The following SRGAP2 variants were observed in gnomAD, a reference collection of about 807,000 sequenced individuals.
SRGAP2 encodes the protein SLIT-ROBO Rho GTPase activating protein 2.
A neutral mutation model predicts 57.2 loss-of-function variants in SRGAP2; 15 were observed. The observed-to-expected ratio is 0.26, with a 90% confidence interval of 0.18 to 0.40. The LOEUF (loss-of-function observed/expected upper bound fraction) is 0.40. SRGAP2 is among the 10% of genes least tolerant of loss of function. The pLI, the probability that SRGAP2 is intolerant of heterozygous loss-of-function variation, is 1.00. For missense variants in SRGAP2, 520 were observed against 669.6 expected (o/e 0.78, Z 2.47); for synonymous variants, 249 against 248.0 (o/e 1.00, Z -0.04).
intron 17 of SRGAP2, among the ~76,000 whole-genome samples, chr1:206,440,603 A>G (rs547717187): frequency 3.3e-5 from 5 of 151,810 alleles, no homozygotes; most frequent in African/African-American, 4.8e-5. Context: ...GCTGGAGTAC[A>G]GTGGAGCGAT....
Position 206,454,882 on chromosome 1 carries a change from G to C in SRGAP2, c.2365G>C (p.Asp789His). 1.3e-6 allele frequency: 1 copy of C among 766,482 alleles called. No homozygotes were observed. Among genetic ancestry groups the C allele is most frequent in the Admixed American group, 1.7e-5 (1 of 57,910 alleles). 47.5% of individuals were successfully genotyped at this position (766,482 alleles called of 1,614,324 possible). A position where few individuals can be genotyped will look rare whatever the true frequency, so the allele number is the denominator to read the frequency against. The change falls in exon 21 of 23, where the codon GAC becomes CAC. Residue 789 changes from aspartate (D) to histidine (H), a missense_variant. Physicochemically the swap from Asp to His is moderately conservative, Grantham distance 81 (BLOSUM62 -1). Coordinates refer to ENST00000573034, the MANE Select transcript of SRGAP2 (RefSeq NM_015326.5). This position sits in a 1 kb window ranked among gnomAD's most constrained non-coding sequence, Gnocchi z 4.3. ...HQYIVVQDTE[D>H]GVVERSSPKS... is the part of the protein sequence containing the mutation. Reference sequence around the variant, plus strand: ...TGCCTGCCCCTTCTCCCCCAGCGAGGACGGTGTCGTGGAGAGGTCCAGCCC... The same window carrying C: ...TGCCTGCCCCTTCTCCCCCAGCGAGCACGGTGTCGTGGAGAGGTCCAGCCC...
At chr1:206,211,406 AC>A (rs1405688222) in intron 2 of SRGAP2, among the ~76,000 whole-genome samples, 1 of 32,758 alleles carries the variant, frequency 3.1e-5, no homozygotes, top group Non-Finnish European at 6.6e-5. Flanking sequence ...CTTACCTTAT[AC>A]CCTTGACCTC....
intron 13 of SRGAP2, among the ~76,000 whole-genome samples, chr1:206,427,940 A>G (rs906650095): frequency 6.6e-6 from 1 of 152,038 alleles, no homozygotes; most frequent in Non-Finnish European, 1.5e-5. Context: ...AAGACCCTCT[A>G]TGTAAAATAA....
At chr1:206,436,658 A>G (rs147588486) in intron 14 of SRGAP2, among the ~76,000 whole-genome samples, 36 of 152,312 alleles carry the variant, frequency 2.4e-4, no homozygotes, top group African/African-American at 7.9e-4. Flanking sequence ...AAAAGTACCA[A>G]TGGGTCACTT....
rs1661947250 is a variant in SRGAP2 at position 206,438,178 on chromosome 1, T to A, written c.1768+80T>A. The A allele has an allele frequency of 9.7e-6, 7 of 720,906 alleles. No individual in the cohort carries two copies. In the South Asian group the frequency reaches 1.0e-4, roughly 11 times the overall value. The allele number at this position is 720,906 out of a possible 1,614,324, so 44.7% of individuals were successfully genotyped here. ...AGAGAAAAAGTTTCCACAGGGTCTG[T>A]GTGTTCTCATAAGCTTTTCAATGAA... On this transcript the variant is annotated intron_variant, in intron 16 of 22. Transcript: ENST00000573034.
At chr1:206,362,225 TG>T (rs1676969553) in intron 4 of SRGAP2, among the ~76,000 whole-genome samples, 1 of 143,940 alleles carries the variant, frequency 6.9e-6, no homozygotes, top group African/African-American at 2.6e-5. Flanking sequence ...CCATCAGCCC[TG>T]GAGGAAAGCC....
intron 2 of SRGAP2, among the ~76,000 whole-genome samples, chr1:206,210,919 T>C (rs1666277591): frequency 6.6e-6 from 1 of 152,064 alleles, no homozygotes; most frequent in South Asian, 2.1e-4. Context: ...AAAGCTACTC[T>C]GCAGCAGTAA....
chr1:206,445,230 C>G (rs537882199), intron 17 of SRGAP2, among the ~76,000 whole-genome samples: 4 of 152,188 alleles, frequency 2.6e-5, no homozygotes, highest in African/African-American at 9.7e-5. Context: ...AATGCCTGGA[C>G]GGGCAAGGCC....
rs547788069 is a variant in SRGAP2, at chr1:206,461,713, A to C, written c.*293A>C. The C allele has an allele frequency of 5.8e-6, 2 of 344,746 alleles. No homozygotes were observed. Among genetic ancestry groups the C allele is most frequent in the South Asian group, 5.1e-5 (1 of 19,574 alleles). 21.4% of individuals were successfully genotyped at this position (344,746 alleles called of 1,614,324 possible). ...TTATCAGGTCACTGTGAAATCTGGTAAGGCAGTCCTGAGGACATGGGCTCA... is the reference window on the plus strand; with the variant it reads ...TTATCAGGTCACTGTGAAATCTGGTCAGGCAGTCCTGAGGACATGGGCTCA... On this transcript the variant is annotated 3_prime_UTR_variant, in exon 23 of 23. Coordinates refer to ENST00000573034, the MANE Select transcript of SRGAP2 (RefSeq NM_015326.5).
chr1:206,295,790 C>A (rs1553620177), intron 2 of SRGAP2, among the ~76,000 whole-genome samples: 1 of 152,212 alleles, frequency 6.6e-6, no homozygotes, highest in East Asian at 1.9e-4. Flanking sequence ...AGAACAGGGA[C>A]CTTCATACTT....
chr1:206,436,173 G>A (rs1661730549), intron 14 of SRGAP2, among the ~76,000 whole-genome samples: 3 of 152,028 alleles, frequency 2.0e-5, no homozygotes, highest in African/African-American at 7.2e-5. Context: ...GTGGTCCAGG[G>A]AAGCCAAAAG....
At chr1:206,426,614 C>G (rs1660820152) in intron 13 of SRGAP2, among the ~76,000 whole-genome samples, 1 of 152,196 alleles carries the variant, frequency 6.6e-6, no homozygotes, top group Non-Finnish European at 1.5e-5. Context: ...AAGCATTCCC[C>G]TTTCTCTGCA....
intron 14 of SRGAP2, among the ~76,000 whole-genome samples, chr1:206,431,629 A>G (rs1022024415): frequency 1.2e-4 from 19 of 152,272 alleles, no homozygotes; most frequent in Non-Finnish European, 2.4e-4. Flanking sequence ...TATCCCAACA[A>G]AAAGTTTCTG....
chr1:206,374,158 G>T (rs1367498490), intron 4 of SRGAP2, among the ~76,000 whole-genome samples: 2 of 150,040 alleles, frequency 1.3e-5, no homozygotes, highest in African/African-American at 4.9e-5. Flanking sequence ...CCGAATAGCT[G>T]GGACTACAGG....
chr1:206,215,682 G>A (rs1164768763), intron 2 of SRGAP2, among the ~76,000 whole-genome samples: 1 of 148,534 alleles, frequency 6.7e-6, no homozygotes, highest in East Asian at 2.0e-4. Flanking sequence ...CAGCTCAGAT[G>A]CCACCCCTCC....
At chr1:206,450,361 C>A in intron 18 of SRGAP2, 25 bp from the exon 19 acceptor site, 1 of 780,168 alleles carries the variant, frequency 1.3e-6, no homozygotes, top group South Asian at 1.3e-5. Flanking sequence ...TGTTAATGTC[C>A]CTGTCACTCT....
At chr1:206,414,741 T>C (rs78006781) in intron 10 of SRGAP2, among the ~76,000 whole-genome samples, 1,916 of 152,316 alleles carry the variant, frequency 0.013, 24 homozygotes, top group South Asian at 0.027. Context: ...AGCAATTTAT[T>C]TGATACCTCC....
chr1:206,259,501 T>G (rs1255176018), intron 2 of SRGAP2, among the ~76,000 whole-genome samples: 1 of 151,888 alleles, frequency 6.6e-6, no homozygotes, highest in Non-Finnish European at 1.5e-5. Context: ...CAAGCCCAGC[T>G]AATTTTTTTA....
chr1:206,240,048 G>A (rs1485995283), intron 2 of SRGAP2, among the ~76,000 whole-genome samples: 1 of 151,740 alleles, frequency 6.6e-6, no homozygotes, highest in Non-Finnish European at 1.5e-5. Flanking sequence ...GGCGGATCAC[G>A]AGATCAGGAG....
Sources: gnomAD v4.1 joint callset for allele counts (sites outside exome capture counted in the v4.1 genomes callset) on GRCh38, gnomAD v4.1.1 for gene constraint, Gnocchi (gnomAD v3.1) non-coding constraint, MANE v1.5 for transcripts, NCBI Gene and HGNC (gene_info 2026-07-23, HGNC 2026-07-21) for gene names.